DHX34: variants seen among roughly 807,000 people sequenced by gnomAD.
DHX34 encodes the protein probable ATP-dependent RNA helicase DHX34.
Under a neutral mutation model 111.1 loss-of-function variants are expected in DHX34, and 96 were observed. That is an observed-to-expected ratio of 0.86 (90% CI 0.73 to 1.02). The LOEUF is 1.02. Ranked by LOEUF, DHX34 falls within the 50% of genes least tolerant of loss-of-function variation. DHX34 has a pLI of 0.00. For missense variants in DHX34, 1,560 were observed against 1,579.9 expected (o/e 0.99, Z 0.21); for synonymous variants, 688 against 670.4 (o/e 1.03, Z -0.41).
chr19:47,358,288 C>T (rs952454626), intron 4 of DHX34, among the ~76,000 whole-genome samples, 168 bp downstream of exon 4: 8 of 152,166 alleles, frequency 5.3e-5, no homozygotes, highest in African/African-American at 1.4e-4. Flanking sequence ...AGTCTGGCCC[C>T]GGAGCCCATG....
intron 3 of DHX34, among the ~76,000 whole-genome samples, chr19:47,356,825 C>T (rs1311652021): frequency 1.3e-5 from 2 of 151,774 alleles, no homozygotes; most frequent in Non-Finnish European, 2.9e-5. Context: ...TGGTGGTGCG[C>T]CCCTGTTATC....
At chr19:47,356,773 G>C (rs191619420) in intron 3 of DHX34, among the ~76,000 whole-genome samples, 102 of 152,146 alleles carry the variant, frequency 6.7e-4, no homozygotes, top group Non-Finnish European at 1.1e-3. Context: ...GGCCAACAAG[G>C]TAAAACCCCG....
At chr19:47,368,473 A>G (rs1052489021) in intron 7 of DHX34, among the ~76,000 whole-genome samples, 109 of 149,184 alleles carry the variant, frequency 7.3e-4, no homozygotes, top group African/African-American at 2.5e-3. Flanking sequence ...TGCCCGGCTA[A>G]TTTTGTATTT....
intron 5 of DHX34, among the ~76,000 whole-genome samples, chr19:47,360,673 TTGTTGTTG>T: frequency 6.8e-6 from 1 of 147,908 alleles, no homozygotes; most frequent in African/African-American, 2.5e-5. Flanking sequence ...ATTCTGTTTG[TTGTTGTTG>T]TTGTTGTTGT....
intron 3 of DHX34, among the ~76,000 whole-genome samples, chr19:47,355,728 TGTA>T (rs1969437519): frequency 6.6e-6 from 1 of 151,996 alleles, no homozygotes; most frequent in South Asian, 2.1e-4. Flanking sequence ...GGTGGGTGCC[TGTA>T]GTCCCAGCTA....
In DHX34 at chr19:47,381,344, G is replaced by T; in HGVS notation, c.3298+20G>T. On this transcript the variant is annotated intron_variant, in intron 16 of 16. Transcript: ENST00000328771. The stretch of plus-strand genomic sequence containing the variant: ...CCCCAGGTAAGCACAGGACTGTGGG[G>T]ACCCGGCCACCTCTGCCCAGCCGTC... The T allele has an allele frequency of 1.2e-6, 2 of 1,604,168 alleles. No individual in the cohort carries two copies. The highest frequency in any genetic ancestry group is 8.5e-7 in the Non-Finnish European group (1 of 1,173,658).
At chr19:47,361,456 T>G (rs1411269658) in intron 5 of DHX34, among the ~76,000 whole-genome samples, 1 of 143,592 alleles carries the variant, frequency 7.0e-6, no homozygotes, top group Admixed American at 6.9e-5. Flanking sequence ...AGACCCTGTT[T>G]AAAAAAAAAA....
chr19:47,368,096 A>T (rs1267086738), intron 7 of DHX34, among the ~76,000 whole-genome samples: 1 of 150,104 alleles, frequency 6.7e-6, no homozygotes, highest in Non-Finnish European at 1.5e-5. Context: ...CTCAGTAGCC[A>T]TGTGTGGCCA....
chr19:47,353,375 G>A lies in DHX34; in HGVS notation c.345G>A (p.Thr115=), dbSNP rs1969349112. Residue 115 remains threonine, a synonymous_variant, in exon 2 of 17, where the codon ACG becomes ACA. Transcript: ENST00000328771. This position sits in a 1 kb window ranked among gnomAD's most constrained non-coding sequence, Gnocchi z 4.6. ...ACCTCTCTGTTCTTGGCCCTGCCAC[G>A]CGGGGCTCTCAGGGACTGGGCAGGC... is the stretch of plus-strand genomic sequence containing the variant. The part of the protein sequence containing the change: ...RINLSVLGPA[T]RGSQGLGRHL... 1.2e-5 allele frequency: 20 copies of A among 1,614,186 alleles called. No homozygotes were observed. Among genetic ancestry groups the A allele is most frequent in the African/African-American group, 2.7e-5 (2 of 75,048 alleles).
chr19:47,360,222 G>T, intron 5 of DHX34, 152 bp downstream of exon 5: 1 of 654,772 alleles, frequency 1.5e-6, no homozygotes, highest in Non-Finnish European at 2.6e-6. Flanking sequence ...AACCAGAAGT[G>T]TTTGGAATTT....
rs1478575675 is a variant in DHX34 at position 47,375,590 on chromosome 19, AGGGCGCG to A, written c.2196_2202del (p.Arg734AlafsTer36). On this transcript the variant is annotated frameshift_variant, in exon 10 of 17. Transcript: ENST00000328771. LOFTEE classifies it high-confidence loss of function. ...CACCAGCTGAAACGCCAGCACGAGG[AGGGCGCG>A]GGGCGCAGGCGCAAGGTGCTGCGGC... 3 of 1,546,890 alleles carry A rather than the reference AGGGCGCG, an allele frequency of 1.9e-6. No individual in the cohort carries two copies. The highest frequency in any genetic ancestry group is 2.0e-5 in the Admixed American group (1 of 50,904).
At chr19:47,351,171 C>CTTTTTTTTTTTTTTT (rs955543104) in intron 1 of DHX34, among the ~76,000 whole-genome samples, 8 of 93,102 alleles carry the variant, frequency 8.6e-5, no homozygotes, top group Non-Finnish European at 1.4e-4. Flanking sequence ...TTTTCTTTTT[C>CTTTTTTTTTTTTTTT]TTTTTTTTTT....
chr19:47,374,220 C>T (rs970996040), intron 9 of DHX34, among the ~76,000 whole-genome samples: 1 of 151,998 alleles, frequency 6.6e-6, no homozygotes, highest in African/African-American at 2.4e-5. Flanking sequence ...GGGTGGATCA[C>T]GAGGTCAGGA....
chr19:47,354,901 G>T, intron 2 of DHX34, 138 bp from the exon 3 acceptor site: 4 of 1,455,112 alleles, frequency 2.7e-6, no homozygotes, highest in Non-Finnish European at 3.6e-6. Context: ...TGATCCGCCC[G>T]CCTCTGCCTC....
chr19:47,375,667 GGCCCA>G lies in DHX34; in HGVS notation c.2271_2275del (p.Ala758ProfsTer5). 1 of 1,557,872 alleles carries G rather than the reference GGCCCA, an allele frequency of 6.4e-7. No homozygotes were observed. The highest frequency in any genetic ancestry group is 2.4e-5 in the East Asian group (1 of 42,268). Reference sequence around the variant, plus strand: ...CGGCTCCAGTGACGAGGACAGGGCTGGCCCAGCCCCCCCAGGGGCCAGTGATGGCG... The same window carrying G: ...CGGCTCCAGTGACGAGGACAGGGCTGGCCCCCCCAGGGGCCAGTGATGGCG... On this transcript the variant is annotated frameshift_variant, in exon 10 of 17. Coordinates refer to ENST00000328771, the MANE Select transcript of DHX34 (RefSeq NM_014681.6). LOFTEE classifies it high-confidence loss of function.
At chr19:47,369,670 TG>T (rs1456622581) in intron 7 of DHX34, among the ~76,000 whole-genome samples, 1 of 152,064 alleles carries the variant, frequency 6.6e-6, no homozygotes, top group Non-Finnish European at 1.5e-5. Flanking sequence ...CAGTGTTAAT[TG>T]GCTGTCCTGG....
In DHX34 at chr19:47,355,266, G is replaced by A. The variant is rs150145021; in HGVS notation, c.933G>A (p.Ser311=). The A allele has an allele frequency of 2.4e-4, 382 of 1,614,046 alleles. 2 individuals carry two copies. The African/African-American group carries it at 4.6e-3, about 19-fold the overall frequency. ...CTGACCTCAAGGTCATCCTCATGTC[G>A]GCCACCATCAACATCTCGCTCTTCT... The part of the protein sequence containing the change: ...TRPDLKVILM[S]ATINISLFSS... The change falls in exon 3 of 17, where the codon TCG becomes TCA. Residue 311 remains serine, a synonymous_variant. Coordinates refer to ENST00000328771, the MANE Select transcript of DHX34 (RefSeq NM_014681.6).
intron 4 of DHX34, among the ~76,000 whole-genome samples, chr19:47,359,304 G>A (rs1056571793): frequency 1.3e-5 from 2 of 151,992 alleles, no homozygotes; most frequent in Admixed American, 6.6e-5. Context: ...TCTACAAAAC[G>A]GAAGAAAACT....
In DHX34 at chr19:47,372,927, AG is replaced by A. The variant is rs1169698086; in HGVS notation, c.1962+6del. 1 of 1,587,898 alleles carries A rather than the reference AG, an allele frequency of 6.3e-7. No homozygotes were observed. Among genetic ancestry groups the A allele is most frequent in the Non-Finnish European group, 8.5e-7 (1 of 1,171,004 alleles). On this transcript the variant is annotated splice_donor_5th_base_variant and intron_variant, in intron 8 of 16. Coordinates refer to ENST00000328771, the MANE Select transcript of DHX34 (RefSeq NM_014681.6). ...CGTCTTCAACGCCTGGGTGCAGGTG[AG>A]GCTGGTGGTGGGGGCCCTCTGTCTG...
Sources: gnomAD v4.1 joint callset for allele counts (sites outside exome capture counted in the v4.1 genomes callset) on GRCh38, gnomAD v4.1.1 for gene constraint, Gnocchi (gnomAD v3.1) non-coding constraint, MANE v1.5 for transcripts, NCBI Gene and HGNC (gene_info 2026-07-23, HGNC 2026-07-21) for gene names.